SF3A2: variants seen among roughly 807,000 people sequenced by gnomAD.
SF3A2 encodes the protein splicing factor 3a subunit 2.
In SF3A2, 5 loss-of-function variants were observed where a neutral mutation model predicts 31.1. That is an observed-to-expected ratio of 0.16 (90% CI 0.08 to 0.34). SF3A2 has a LOEUF of 0.34. SF3A2 is among the 10% of genes least tolerant of loss of function. The pLI, the probability that SF3A2 is intolerant of heterozygous loss-of-function variation, is 1.00. For synonymous variants in SF3A2, 365 were observed against 263.7 expected (o/e 1.38, Z -3.72); for missense variants, 577 against 643.9 (o/e 0.90, Z 1.13).
At position 2,248,360 on chromosome 19, in the gene SF3A2, G is replaced by A; in HGVS notation, c.1209G>A (p.Gln403=). 7.3e-7 allele frequency: 1 copy of A among 1,364,368 alleles called. No individual in the cohort carries two copies. Among genetic ancestry groups the A allele is most frequent in the Non-Finnish European group, 9.4e-7 (1 of 1,065,078 alleles). 84.5% of individuals were successfully genotyped at this position (1,364,368 alleles called of 1,614,324 possible). Residue 403 remains glutamine (Q), a synonymous_variant, in exon 9 of 9, where the codon CAG becomes CAA. Coordinates refer to ENST00000221494, the MANE Select transcript of SF3A2 (RefSeq NM_007165.5). ...VHPPAPGMHP[Q]APGVHPQPPG... is the part of the protein sequence containing the mutation. ...CACCAGCCCCAGGGATGCACCCTCA[G>A]GCCCCGGGGGTCCACCCCCAACCTC...
rs749559969 is a variant in SF3A2 at position 2,247,584 on chromosome 19, G to A, written c.547-10G>A. 5.6e-6 allele frequency: 9 copies of A among 1,612,948 alleles called. No homozygotes were observed. Among genetic ancestry groups the A allele is most frequent in the Admixed American group, 5.0e-5 (3 of 59,994 alleles). ...GGACCAGGAGCCCTCTCTGTCCCCCGCCCTCCCAGGTGCCGAGCAGAGAGA... is the reference window on the plus strand; with the variant it reads ...GGACCAGGAGCCCTCTCTGTCCCCCACCCTCCCAGGTGCCGAGCAGAGAGA... On this transcript the variant is annotated splice_polypyrimidine_tract_variant and intron_variant, in intron 7 of 8. Coordinates refer to ENST00000221494, the MANE Select transcript of SF3A2 (RefSeq NM_007165.5).
In SF3A2 at chr19:2,245,380, C is replaced by T; in HGVS notation, c.246-66C>T. The T allele has an allele frequency of 8.0e-7, 1 of 1,249,882 alleles. No individual in the cohort carries two copies. Among genetic ancestry groups the T allele is most frequent in the Non-Finnish European group, 1.1e-6 (1 of 879,498 alleles). The allele number at this position is 1,249,882 out of a possible 1,614,324, so 77.4% of individuals were successfully genotyped here. On this transcript the variant is annotated intron_variant, in intron 4 of 8. Transcript: ENST00000221494. This position sits in a 1 kb window ranked among gnomAD's most constrained non-coding sequence, Gnocchi z 4.2. ...CTCCAAGGTCAGGGGGCTCCTGGCA[C>T]CTGGGCCCATGGCTTTGGTGCCTGT... is the stretch of plus-strand genomic sequence containing the variant.
chr19:2,237,054 C>G lies in SF3A2; in HGVS notation c.-38+153C>G, dbSNP rs1026598884. The G allele has an allele frequency of 4.0e-5, 6 of 151,110 alleles. No individual in the cohort carries two copies. In the East Asian group the frequency reaches 1.2e-3, roughly 29 times the overall value. 9.4% of individuals were successfully genotyped at this position (151,110 alleles called of 1,614,324 possible). ...CTCCCTCCTCCCGTGAGCGTCCGGC[C>G]TTGTGCATCCTGAGGCCCCGCGCTG... On this transcript the variant is annotated intron_variant, in intron 1 of 8. Transcript: ENST00000221494.
intron 1 of SF3A2, among the ~76,000 whole-genome samples, chr19:2,240,191 G>A (rs1447331657): frequency 6.6e-6 from 1 of 152,088 alleles, no homozygotes; most frequent in Non-Finnish European, 1.5e-5. Flanking sequence ...CCCCGGGGTG[G>A]GGGGCGTCCG....
chr19:2,243,362 TCTC>T lies in SF3A2; in HGVS notation c.-37-16_-37-14del. On this transcript the variant is annotated splice_polypyrimidine_tract_variant and intron_variant, in intron 1 of 8. Coordinates refer to ENST00000221494, the MANE Select transcript of SF3A2 (RefSeq NM_007165.5). ...CCGAGTTCTGAGCCATCTTCCTCAC[TCTC>T]CTCTTGGCCTCCACAGGTGTCTCCC... 1 of 1,469,302 alleles carries T rather than the reference TCTC, an allele frequency of 6.8e-7. No individual in the cohort carries two copies. Among genetic ancestry groups the T allele is most frequent in the South Asian group, 1.4e-5 (1 of 69,992 alleles). The allele number at this position is 1,469,302 out of a possible 1,614,324, so 91.0% of individuals were successfully genotyped here.
At chr19:2,240,664 G>T (rs143087408) in intron 1 of SF3A2, among the ~76,000 whole-genome samples, 30 of 152,358 alleles carry the variant, frequency 2.0e-4, no homozygotes, top group African/African-American at 7.0e-4. Flanking sequence ...CCAGTTTTAA[G>T]AAGTAACTTG....
chr19:2,239,372 AAAAG>A (rs1285768318), intron 1 of SF3A2, among the ~76,000 whole-genome samples: 1 of 150,796 alleles, frequency 6.6e-6, no homozygotes, highest in African/African-American at 2.5e-5. Context: ...AAAAAAAAAA[AAAAG>A]AGAGAGAAAA....
chr19:2,243,898 TC>T (rs1237797463), intron 2 of SF3A2, among the ~76,000 whole-genome samples: 1 of 152,178 alleles, frequency 6.6e-6, no homozygotes, highest in Non-Finnish European at 1.5e-5. Flanking sequence ...CCGAGTCCCC[TC>T]AGCACCGTGG....
rs113747822 is a variant in SF3A2, at chr19:2,245,187, T to TAA, written c.246-245_246-244dup. On this transcript the variant is annotated intron_variant, in intron 4 of 8. Transcript: ENST00000221494. The surrounding 1 kb of genome is among the most constrained non-coding windows in gnomAD (Gnocchi z 4.2). Reference sequence around the variant, plus strand: ...CGACAGAGTGAGACTCTTGTCTTATTAAAAAAAAAAAAAAAGAGCAGAGGC... The same window carrying TAA: ...CGACAGAGTGAGACTCTTGTCTTATTAAAAAAAAAAAAAAAAAGAGCAGAGGC... The TAA allele has an allele frequency of 4.5e-3, 1,813 of 403,002 alleles. No individual in the cohort carries two copies. The highest frequency in any genetic ancestry group is 6.4e-3 in the East Asian group (165 of 25,764). 25.0% of individuals were successfully genotyped at this position (403,002 alleles called of 1,614,324 possible). A position where few individuals can be genotyped will look rare whatever the true frequency, so the allele number is the denominator to read the frequency against.
chr19:2,238,654 T>A (rs1443892806), intron 1 of SF3A2, among the ~76,000 whole-genome samples: 1 of 152,256 alleles, frequency 6.6e-6, no homozygotes, highest in Non-Finnish European at 1.5e-5. Context: ...GCTAATTAAC[T>A]TTGTTTTTAC....
In SF3A2 at chr19:2,248,573, C is replaced by T. The variant is rs999309896; in HGVS notation, c.*27C>T. 1.3e-6 allele frequency: 1 copy of T among 746,434 alleles called. No homozygotes were observed. The highest frequency in any genetic ancestry group is 1.9e-6 in the Non-Finnish European group (1 of 514,222). The allele number at this position is 746,434 out of a possible 1,614,324, so 46.2% of individuals were successfully genotyped here. ...AAGCTGCTCCCTCCCCCAGCAAGCC[C>T]AGCGCCAGGTGCTCTTGCCTTTTCC... On this transcript the variant is annotated 3_prime_UTR_variant, in exon 9 of 9. Transcript: ENST00000221494.
intron 1 of SF3A2, among the ~76,000 whole-genome samples, chr19:2,238,608 C>T (rs977373375): frequency 6.6e-6 from 1 of 152,190 alleles, no homozygotes; most frequent in Non-Finnish European, 1.5e-5. Context: ...ATATGTTCAG[C>T]TAGGCTTTTC....
intron 1 of SF3A2, among the ~76,000 whole-genome samples, chr19:2,242,085 C>T (rs2024894538): frequency 6.6e-6 from 1 of 151,308 alleles, no homozygotes; most frequent in African/African-American, 2.4e-5. Context: ...CTCAGCATGC[C>T]CCTGCACACC....
In SF3A2 at chr19:2,244,788, C is replaced by G; in HGVS notation, c.245+9C>G. 6.2e-7 allele frequency: 1 copy of G among 1,613,212 alleles called. No individual in the cohort carries two copies. The highest frequency in any genetic ancestry group is 8.5e-7 in the Non-Finnish European group (1 of 1,179,442). On this transcript the variant is annotated intron_variant, in intron 4 of 8. Transcript: ENST00000221494. ...AAGCACCAGACCAACCTGTGAGTAC[C>G]TCATGTCCCTTTGATGCCTGGTGCT...
At chr19:2,244,502 C>T (rs769533730) in intron 2 of SF3A2, 42 bp from the exon 3 acceptor site, 2 of 1,540,818 alleles carry the variant, frequency 1.3e-6, no homozygotes, top group South Asian at 1.1e-5. Flanking sequence ...CGGCAGCAGG[C>T]CGCGATCTTC....
rs150624954 is a variant in SF3A2, at chr19:2,246,233, G to C, written c.356-520G>C. On this transcript the variant is annotated intron_variant, in intron 5 of 8. Transcript: ENST00000221494. The surrounding 1 kb of genome is among the most constrained non-coding windows in gnomAD (Gnocchi z 5.5). ...CAGGTCCTGGGCTTGGGCTCAGGACGGTGAGGCGGCAGAGGGCTTGTGAGT... is the reference window on the plus strand; with the variant it reads ...CAGGTCCTGGGCTTGGGCTCAGGACCGTGAGGCGGCAGAGGGCTTGTGAGT... Among the ~76,000 whole-genome samples, 6 of 152,058 alleles carry C rather than the reference G, an allele frequency of 3.9e-5. No individual in the cohort carries two copies. In the East Asian group the frequency reaches 1.2e-3, roughly 29 times the overall value.
Position 2,248,282 on chromosome 19 carries a change from G to A in SF3A2, c.1131G>A (p.Pro377=), listed in dbSNP as rs113453014. Reference sequence around the variant, plus strand: ...CAGCGGGGGTTCACCCCCAGGCCCCGGGGGTGCACCCAGCAGCCCCCGCCG... The same window carrying A: ...CAGCGGGGGTTCACCCCCAGGCCCCAGGGGTGCACCCAGCAGCCCCCGCCG... The part of the protein sequence containing the change: ...PPSAGVHPQA[P]GVHPAAPAVH... Residue 377 remains proline, a synonymous_variant, in exon 9 of 9, where the codon CCG becomes CCA. Coordinates refer to ENST00000221494, the MANE Select transcript of SF3A2 (RefSeq NM_007165.5). 51 of 1,322,604 alleles carry A rather than the reference G, an allele frequency of 3.9e-5. No individual in the cohort carries two copies. The highest frequency in any genetic ancestry group is 9.5e-5 in the East Asian group (3 of 31,652). 81.9% of individuals were successfully genotyped at this position (1,322,604 alleles called of 1,614,324 possible). A position where few individuals can be genotyped will look rare whatever the true frequency, so the allele number is the denominator to read the frequency against.
Position 2,248,240 on chromosome 19 carries a change from G to T in SF3A2, c.1089G>T (p.Gly363=). The T allele has an allele frequency of 7.0e-7, 1 of 1,433,416 alleles. No individual in the cohort carries two copies. Among genetic ancestry groups the T allele is most frequent in the African/African-American group, 1.5e-5 (1 of 68,092 alleles). 88.8% of individuals were successfully genotyped at this position (1,433,416 alleles called of 1,614,324 possible). ...CTGGGGTTCACCCACCAGCCCCAGG[G>T]GTCCATCCTCCCCCATCAGCGGGGG... is the stretch of plus-strand genomic sequence containing the variant. ...PAPGVHPPAP[G]VHPPPSAGVH... is the part of the protein sequence containing the mutation. Residue 363 remains glycine (G), a synonymous_variant, in exon 9 of 9, where the codon GGG becomes GGT. Transcript: ENST00000221494.
At chr19:2,240,971 G>C (rs563501396) in intron 1 of SF3A2, among the ~76,000 whole-genome samples, 1 of 152,294 alleles carries the variant, frequency 6.6e-6, no homozygotes, top group Admixed American at 6.5e-5. Context: ...CCCACCCACT[G>C]CTCTTCTCTC....
Sources: gnomAD v4.1 joint callset for allele counts (sites outside exome capture counted in the v4.1 genomes callset) on GRCh38, gnomAD v4.1.1 for gene constraint, Gnocchi (gnomAD v3.1) non-coding constraint, MANE v1.5 for transcripts, NCBI Gene and HGNC (gene_info 2026-07-23, HGNC 2026-07-21) for gene names.